The following MAST4 variants were observed in gnomAD, a reference collection of about 807,000 sequenced individuals.
The protein encoded by MAST4 is microtubule-associated serine/threonine-protein kinase 4.
In MAST4, 89 loss-of-function variants were observed where a neutral mutation model predicts 162.7. That is an observed-to-expected ratio of 0.55 (90% confidence interval 0.46 to 0.65). The LOEUF is 0.65. Ranked by LOEUF, MAST4 falls within the 30% of genes least tolerant of loss-of-function variation. The pLI is 0.00. For missense variants in MAST4, 3,153 were observed against 3,374.0 expected (o/e 0.93, Z 1.62); for synonymous variants, 1,479 against 1,361.1 (o/e 1.09, Z -1.91).
At chr5:66,874,500 A>T (rs536219110) in intron 3 of MAST4, among the ~76,000 whole-genome samples, 1 of 152,332 alleles carries the variant, frequency 6.6e-6, no homozygotes, top group African/African-American at 2.4e-5. Context: ...CAGGTTCATA[A>T]AGATGGTATG....
At chr5:66,611,798 T>C (rs1004215970) in intron 1 of MAST4, among the ~76,000 whole-genome samples, 1 of 152,236 alleles carries the variant, frequency 6.6e-6, no homozygotes, top group African/African-American at 2.4e-5. Context: ...TTTAGAAATT[T>C]ATTTTGACAT....
chr5:66,967,772 A>G, intron 4 of MAST4, among the ~76,000 whole-genome samples: 1 of 151,830 alleles, frequency 6.6e-6, no homozygotes, highest in East Asian at 1.9e-4. Flanking sequence ...AAATATATAT[A>G]TATATATATG....
intron 4 of MAST4, among the ~76,000 whole-genome samples, chr5:66,981,843 G>A (rs73766113): frequency 0.024 from 3,699 of 152,270 alleles, 155 homozygotes; most frequent in African/African-American, 0.084. Flanking sequence ...GCCAAGATCA[G>A]TTGGCTCAGT....
At chr5:67,092,019 T>G (rs960359082) in intron 6 of MAST4, among the ~76,000 whole-genome samples, 4 of 152,184 alleles carry the variant, frequency 2.6e-5, no homozygotes, top group Non-Finnish European at 5.9e-5. Context: ...CTCAAATTGG[T>G]GTATTTTTAT....
intron 1 of MAST4, among the ~76,000 whole-genome samples, chr5:66,653,013 A>G (rs1048233023): frequency 2.6e-5 from 4 of 152,166 alleles, no homozygotes; most frequent in African/African-American, 9.7e-5. Context: ...ATCATAGCCT[A>G]TGATGTCATA....
chr5:66,927,720 A>G (rs981331690), intron 4 of MAST4, among the ~76,000 whole-genome samples: 14 of 152,352 alleles, frequency 9.2e-5, no homozygotes, highest in African/African-American at 3.4e-4. Context: ...AAGATGCGCC[A>G]TCTGCCTCAT....
intron 3 of MAST4, among the ~76,000 whole-genome samples, chr5:66,800,161 G>GT (rs1263774048): frequency 6.6e-6 from 1 of 152,150 alleles, no homozygotes; most frequent in African/African-American, 2.4e-5. Flanking sequence ...GATTTGCCAT[G>GT]TTTTCTGCAG....
chr5:66,908,172 C>A (rs1346772296), intron 4 of MAST4, among the ~76,000 whole-genome samples: 1 of 152,166 alleles, frequency 6.6e-6, no homozygotes, highest in Non-Finnish European at 1.5e-5. Context: ...TTTATGTATT[C>A]ATCGAATAGC....
intron 4 of MAST4, among the ~76,000 whole-genome samples, chr5:67,037,542 C>G (rs1335276952): frequency 6.6e-6 from 1 of 152,164 alleles, no homozygotes; most frequent in African/African-American, 2.4e-5. Context: ...AACCCTATTT[C>G]TATTCCTGGA....
At chr5:66,703,135 G>A (rs1383195844) in intron 1 of MAST4, among the ~76,000 whole-genome samples, 2 of 152,096 alleles carry the variant, frequency 1.3e-5, no homozygotes, top group Admixed American at 1.3e-4. Flanking sequence ...TCATGAGTGT[G>A]TTCCTCATGT....
At chr5:66,783,403 T>C (rs1754968348) in intron 2 of MAST4, 1 of 152,334 alleles carries the variant, frequency 6.6e-6, no homozygotes, top group East Asian at 1.9e-4. Context: ...AAGTTCATGT[T>C]ATAAGTGATG....
chr5:67,142,573 G>C (rs746352704), intron 21 of MAST4, 40 bp downstream of exon 21: 1 of 1,347,128 alleles, frequency 7.4e-7, no homozygotes, highest in Admixed American at 2.0e-5. Flanking sequence ...GTCTCTCTGG[G>C]AGGATCTCCC....
intron 4 of MAST4, among the ~76,000 whole-genome samples, chr5:66,918,224 G>T (rs1764245527): frequency 6.6e-6 from 1 of 152,082 alleles, no homozygotes; most frequent in Non-Finnish European, 1.5e-5. Flanking sequence ...TTCAATGAAT[G>T]TAAGTTTTTA....
rs564393168 is a variant in MAST4 at position 67,058,905 on chromosome 5, T to C, written c.763+4413T>C. Among the ~76,000 whole-genome samples the C allele has an allele frequency of 4.7e-4, 71 of 152,390 alleles. No homozygotes were observed. In the South Asian group the frequency reaches 0.014, roughly 31 times the overall value. The stretch of plus-strand genomic sequence containing the variant: ...CTGCAGTAGTTTTCTATTGCTGTAG[T>C]AACAAATTACTCATAATTTACTGGT... On this transcript the variant is annotated intron_variant, in intron 5 of 28. Transcript: ENST00000403625.
chr5:66,676,331 T>C (rs189205609), intron 1 of MAST4, among the ~76,000 whole-genome samples: 1 of 152,288 alleles, frequency 6.6e-6, no homozygotes, highest in African/African-American at 2.4e-5. Context: ...ACTAGTAACT[T>C]GCACATCACT....
rs1742188337 is a variant in MAST4 at position 66,596,564 on chromosome 5, G to A, written c.-92G>A. The A allele has an allele frequency of 1.5e-6, 2 of 1,300,430 alleles. No homozygotes were observed. The highest frequency in any genetic ancestry group is 1.9e-6 in the Non-Finnish European group (2 of 1,026,158). The allele number at this position is 1,300,430 out of a possible 1,614,324, so 80.6% of individuals were successfully genotyped here. On this transcript the variant is annotated 5_prime_UTR_variant, in exon 1 of 29. Transcript: ENST00000403625. ...AGCCCGGGAGCGGCAGTGCCAGTGA[G>A]CCTGAGCCCAGGAGCCCGCGTCTTC...
intron 1 of MAST4, among the ~76,000 whole-genome samples, chr5:66,678,148 G>A (rs1457752211): frequency 1.3e-5 from 2 of 152,024 alleles, no homozygotes; most frequent in Non-Finnish European, 2.9e-5. Context: ...ACTGAAATAA[G>A]CCAGGCACAG....
chr5:66,669,485 T>C (rs373221539), intron 1 of MAST4, among the ~76,000 whole-genome samples: 12 of 152,320 alleles, frequency 7.9e-5, no homozygotes, highest in African/African-American at 2.9e-4. Context: ...GAGGATCACA[T>C]ACAAAGGACT....
chr5:66,977,558 A>G (rs1378492548), intron 4 of MAST4, among the ~76,000 whole-genome samples: 1 of 152,180 alleles, frequency 6.6e-6, no homozygotes, highest in Admixed American at 6.5e-5. Context: ...GCCCCTATGC[A>G]TGATCTTGTT....
Sources: allele counts gnomAD v4.1 joint callset (sites outside exome capture counted in the v4.1 genomes callset), GRCh38; gene constraint gnomAD v4.1.1; transcripts MANE v1.5; gene names NCBI Gene and HGNC (gene_info 2026-07-23, HGNC 2026-07-21).